The following EXPH5 variants were observed in gnomAD, a reference collection of about 807,000 sequenced individuals.
EXPH5 encodes the protein exophilin-5.
Under a neutral mutation model 41.1 loss-of-function variants are expected in EXPH5, and 42 were observed. The ratio of observed to expected loss-of-function variants is 1.02; its 90% CI spans 0.80 to 1.32. EXPH5 has a LOEUF of 1.32. EXPH5 is among the 40% of genes most tolerant of loss of function. EXPH5 has a pLI of 0.00. For missense variants in EXPH5, 2,298 were observed against 2,314.5 expected, an observed-to-expected ratio of 0.99 and a Z score of 0.15; for synonymous variants, 798 against 833.5, an observed-to-expected ratio of 0.96 and a Z score of 0.73.
At chr11:108,586,240 T>C (rs894285615) in intron 1 of EXPH5, among the ~76,000 whole-genome samples, 2 of 151,972 alleles carry the variant, frequency 1.3e-5, no homozygotes, top group South Asian at 4.2e-4. Flanking sequence ...GTGAGCCACC[T>C]TGCCTGGCCA....
chr11:108,537,205 T>C (rs1321269740), intron 3 of EXPH5, among the ~76,000 whole-genome samples: 4 of 152,322 alleles, frequency 2.6e-5, no homozygotes, highest in South Asian at 4.1e-4. Flanking sequence ...TTCCCACATA[T>C]AGGATTCATA....
chr11:108,528,692 TC>T (rs1198883840), intron 3 of EXPH5, among the ~76,000 whole-genome samples: 2 of 146,974 alleles, frequency 1.4e-5, no homozygotes, highest in African/African-American at 2.5e-5. Flanking sequence ...TTTTTTTCTT[TC>T]CCTTTTTTTT....
chr11:108,563,909 G>A (rs532398115), intron 1 of EXPH5, among the ~76,000 whole-genome samples: 1 of 152,160 alleles, frequency 6.6e-6, no homozygotes, highest in Non-Finnish European at 1.5e-5. Context: ...TCTCTGAATT[G>A]AGACTGTGTT....
intron 1 of EXPH5, among the ~76,000 whole-genome samples, chr11:108,561,351 C>CTTGTTTTGTT (rs3054582): frequency 0.017 from 2,565 of 150,778 alleles, 66 homozygotes; most frequent in African/African-American, 0.054. Flanking sequence ...TTCCCTCCAT[C>CTTGTTTTGTT]TTGTTTTGTT....
chr11:108,589,464 A>G (rs1482596929), intron 1 of EXPH5, among the ~76,000 whole-genome samples: 1 of 152,208 alleles, frequency 6.6e-6, no homozygotes, highest in Admixed American at 6.5e-5. Flanking sequence ...GCTCAAGGAT[A>G]TTAGTGTAAA....
chr11:108,532,971 C>G (rs1940210), intron 3 of EXPH5, among the ~76,000 whole-genome samples: 3,850 of 152,260 alleles, frequency 0.025, 136 homozygotes, highest in African/African-American at 0.077. Flanking sequence ...AAGAGTACAG[C>G]CTGGGAATGC....
At chr11:108,593,797 C>A, upstream of EXPH5, 1 of 1,522,482 alleles carries the variant, frequency 6.6e-7, no homozygotes. Context: ...GGGAACCAAT[C>A]CCGTTCCAAG....
the EXPH5 span, among the ~76,000 whole-genome samples, chr11:108,600,112 G>A: frequency 0.012 from 1,868 of 152,258 alleles, 40 homozygotes; most frequent in African/African-American, 0.04. Context: ...GGGGAAAAGC[G>A]TACAGAGAGT....
intron 1 of EXPH5, among the ~76,000 whole-genome samples, chr11:108,560,341 C>G (rs1452031755): frequency 6.6e-6 from 1 of 152,176 alleles, no homozygotes. Context: ...TTGAAATAAC[C>G]CTTTTCCACA....
At chr11:108,600,897 A>G in the EXPH5 span, among the ~76,000 whole-genome samples, 46,473 of 152,214 alleles carry the variant, frequency 0.31, 7,997 homozygotes, top group Middle Eastern at 0.43. Context: ...ATGTTATTCA[A>G]TGCCTTCAAA....
At chr11:108,515,855 G>A (rs1333670153) in intron 5 of EXPH5, among the ~76,000 whole-genome samples, 2 of 151,948 alleles carry the variant, frequency 1.3e-5, no homozygotes, top group South Asian at 2.1e-4. Context: ...GGCGGATCAC[G>A]AGGTCAGGAG....
In EXPH5 at chr11:108,511,387, T is replaced by A; in HGVS notation, c.4120A>T (p.Thr1374Ser). 1.3e-6 allele frequency: 2 copies of A among 1,591,494 alleles called. No homozygotes were observed. The highest frequency in any genetic ancestry group is 1.7e-6 in the Non-Finnish European group (2 of 1,171,766). The change falls in exon 6 of 6, where the codon ACA becomes TCA. Residue 1374 changes from threonine (T) to serine (S), a missense_variant. Transcript: ENST00000265843. The stretch of plus-strand genomic sequence containing the variant: ...TTGTTTTCTGAATCACCTAGAGGTG[T>A]TTTAGCTAAATTATCTGAAAAAATC... ...REIFSDNLAK[T>S]PLGDSENKKE...
At chr11:108,558,018 C>T (rs2093997133) in intron 1 of EXPH5, among the ~76,000 whole-genome samples, 3 of 152,210 alleles carry the variant, frequency 2.0e-5, no homozygotes, top group African/African-American at 7.2e-5. Context: ...TCTCAGCTCA[C>T]TGCAACCTCT....
Position 108,513,247 on chromosome 11 carries a change from T to C in EXPH5, c.2260A>G (p.Asn754Asp). ...NPLSQDSAKS[N>D]GFGFNASTII... ...GTAGATGCATTAAAACCAAACCCGT[T>C]GCTCTTGGCTGAGTCCTGGGATAAG... Residue 754 changes from asparagine (N) to aspartate (D), a missense_variant, in exon 6 of 6, where the codon AAC becomes GAC. By Grantham distance (23) the Asn-to-Asp change is conservative. Coordinates refer to ENST00000265843, the MANE Select transcript of EXPH5 (RefSeq NM_015065.3). 1 of 1,612,634 alleles carries C rather than the reference T, an allele frequency of 6.2e-7. No individual in the cohort carries two copies.
rs758309070 is a variant in EXPH5, at chr11:108,539,170, A to T, written c.297T>A (p.Pro99=). The T allele has an allele frequency of 4.4e-6, 7 of 1,584,088 alleles. No individual in the cohort carries two copies. Among genetic ancestry groups the T allele is most frequent in the Non-Finnish European group, 8.6e-7 (1 of 1,166,356 alleles). Residue 99 remains proline, a synonymous_variant, in exon 3 of 6, where the codon CCT becomes CCA. Coordinates refer to ENST00000265843, the MANE Select transcript of EXPH5 (RefSeq NM_015065.3). ...TAGTTACATTTTTAGATCTTGATGT[A>T]GGTAATTCTATCGGATCTAGAAAAA... is the stretch of plus-strand genomic sequence containing the variant. ...EMAKNDPIEL[P]TSRSKNVTNQ...
intron 1 of EXPH5, among the ~76,000 whole-genome samples, chr11:108,560,413 G>A (rs2094006642): frequency 6.6e-6 from 1 of 152,184 alleles, no homozygotes; most frequent in Non-Finnish European, 1.5e-5. Flanking sequence ...GATGAGTGTG[G>A]CATTGAAACC....
chr11:108,518,872 A>T lies in EXPH5; in HGVS notation c.493-499T>A, dbSNP rs143057726. 2.7e-4 allele frequency among the ~76,000 whole-genome samples: 41 copies of T among 152,058 alleles called. 1 individual carries two copies. The highest frequency in any genetic ancestry group is 8.7e-4 in the African/African-American group (36 of 41,474). ...CAATACCAAGATGGCAACAAGACTG[A>T]CCTCTCTGGTCGTCCTAACTGCTAC... On this transcript the variant is annotated intron_variant, in intron 4 of 5. Transcript: ENST00000265843.
chr11:108,565,632 G>A (rs1479379737), intron 1 of EXPH5, among the ~76,000 whole-genome samples: 1 of 152,176 alleles, frequency 6.6e-6, no homozygotes, highest in Non-Finnish European at 1.5e-5. Flanking sequence ...ATCACTGTCC[G>A]AGCTTACGTG....
rs1208078794 is a variant in EXPH5, at chr11:108,514,398, G to A, written c.1109C>T (p.Ser370Phe). 1.9e-6 allele frequency: 3 copies of A among 1,614,018 alleles called. No individual in the cohort carries two copies. The African/African-American group carries it at 4.0e-5, about 22-fold the overall frequency. The change falls in exon 6 of 6, where the codon TCC becomes TTC. Residue 370 changes from serine (S) to phenylalanine (F), a missense_variant. Transcript: ENST00000265843. Reference sequence around the variant, plus strand: ...GGAATCTGATCTGTTCCATATGATGGATGATAAAGGAGTTCTCTTTGGACT... The same window carrying A: ...GGAATCTGATCTGTTCCATATGATGAATGATAAAGGAGTTCTCTTTGGACT... ...QQSPKRTPLSSIIWNRSDSSR... is the reference protein window; with the variant it reads ...QQSPKRTPLSFIIWNRSDSSR...
Sources: allele counts gnomAD v4.1 joint callset (sites outside exome capture counted in the v4.1 genomes callset), GRCh38; gene constraint gnomAD v4.1.1; transcripts MANE v1.5; gene names NCBI Gene and HGNC (gene_info 2026-07-23, HGNC 2026-07-21).